Variants in FMN2 observed in about 807,000 individuals in gnomAD.
FMN2 encodes the protein formin 2.
Under a neutral mutation model 142.3 loss-of-function variants are expected in FMN2, and 51 were observed. That is an observed-to-expected ratio of 0.36 (90% confidence interval 0.29 to 0.45). The LOEUF (loss-of-function observed/expected upper bound fraction) is 0.45. Among genes scored for constraint, FMN2 ranks in the 20% least tolerant of loss-of-function variants. FMN2 has a pLI of 1.00. For missense variants in FMN2, 1,936 were observed against 2,122.8 expected (o/e 0.91, Z 1.73); for synonymous variants, 882 against 869.8 (o/e 1.01, Z -0.25).
intron 7 of FMN2, among the ~76,000 whole-genome samples, chr1:240,285,485 G>C (rs1669555616): frequency 6.6e-6 from 1 of 152,058 alleles, no homozygotes; most frequent in Non-Finnish European, 1.5e-5. Flanking sequence ...CCCACCGTGA[G>C]ACTGGGCGAG....
intron 7 of FMN2, among the ~76,000 whole-genome samples, chr1:240,288,366 T>C (rs1669660713): frequency 6.6e-6 from 1 of 152,172 alleles, no homozygotes; most frequent in Non-Finnish European, 1.5e-5. Flanking sequence ...TAGTGCACTT[T>C]TTCTTTCCAC....
chr1:240,264,022 T>G (rs768892844), intron 7 of FMN2, among the ~76,000 whole-genome samples: 1 of 152,212 alleles, frequency 6.6e-6, no homozygotes, highest in Admixed American at 6.5e-5. Flanking sequence ...GAAGTACAGT[T>G]GATACAGTCA....
At chr1:240,379,868 A>G (rs1273924685) in intron 14 of FMN2, among the ~76,000 whole-genome samples, 5 of 152,096 alleles carry the variant, frequency 3.3e-5, no homozygotes, top group African/African-American at 1.2e-4. Flanking sequence ...TTAACCAAGG[A>G]AAAAAAGTGG....
intron 16 of FMN2, among the ~76,000 whole-genome samples, chr1:240,445,589 TG>T (rs1675777584): frequency 6.6e-6 from 1 of 151,966 alleles, no homozygotes; most frequent in African/African-American, 2.4e-5. Flanking sequence ...CCAAGAAAGA[TG>T]GGGGCCATGC....
rs1676925037 is a variant in FMN2 at position 240,474,883 on chromosome 1, A to C, written c.*729A>C. The C allele has an allele frequency of 6.6e-6, 1 of 152,626 alleles. No individual in the cohort carries two copies. The highest frequency in any genetic ancestry group is 2.4e-5 in the African/African-American group (1 of 41,458). 9.5% of individuals were successfully genotyped at this position (152,626 alleles called of 1,614,324 possible). Reference sequence around the variant, plus strand: ...CTCTTGCAAACCAATTATGGAAAGCAACTTAAGAAAACCAATGTTCTAAAT... The same window carrying C: ...CTCTTGCAAACCAATTATGGAAAGCCACTTAAGAAAACCAATGTTCTAAAT... On this transcript the variant is annotated 3_prime_UTR_variant, in exon 18 of 18. Coordinates refer to ENST00000319653, the MANE Select transcript of FMN2 (RefSeq NM_020066.5).
intron 14 of FMN2, among the ~76,000 whole-genome samples, chr1:240,371,821 C>G (rs1197993548): frequency 6.6e-6 from 1 of 152,160 alleles, no homozygotes; most frequent in Non-Finnish European, 1.5e-5. Context: ...TAAGTCTCCT[C>G]TGAAGATAAG....
chr1:240,187,885 T>C lies in FMN2; in HGVS notation c.1931-322T>C, dbSNP rs149923057. Among the ~76,000 whole-genome samples the C allele has an allele frequency of 3.3e-3, 504 of 152,270 alleles. 3 individuals are homozygous for C. Among genetic ancestry groups the C allele is most frequent in the African/African-American group, 0.012 (483 of 41,552 alleles). On this transcript the variant is annotated intron_variant, in intron 3 of 17. Transcript: ENST00000319653. The stretch of plus-strand genomic sequence containing the variant: ...ATACAGACTTCAGCTAAGTGAATAA[T>C]ATAATCTGTGAAAGTCTTAGAAGGA...
At chr1:240,458,755 TA>T (rs1292797451) in intron 16 of FMN2, 3 of 152,248 alleles carry the variant, frequency 2.0e-5, no homozygotes, top group Admixed American at 2.0e-4. Context: ...GATGCAATTT[TA>T]TAATAGCTTC....
At chr1:240,128,807 T>G (rs929660428) in intron 2 of FMN2, among the ~76,000 whole-genome samples, 1 of 152,164 alleles carries the variant, frequency 6.6e-6, no homozygotes, top group African/African-American at 2.4e-5. Flanking sequence ...TATGCTCTAC[T>G]CATTGTTACC....
chr1:240,440,857 G>T (rs1675585933), intron 16 of FMN2, among the ~76,000 whole-genome samples: 1 of 152,098 alleles, frequency 6.6e-6, no homozygotes, highest in Non-Finnish European at 1.5e-5. Context: ...AGTGAAAAAT[G>T]AAAATGCACA....
intron 4 of FMN2, among the ~76,000 whole-genome samples, chr1:240,205,586 T>A (rs926403978): frequency 6.7e-6 from 1 of 150,068 alleles, no homozygotes; most frequent in Admixed American, 6.7e-5. Flanking sequence ...CTCAGCCTCC[T>A]GAGTAGCTGG....
Position 240,145,648 on chromosome 1 carries a change from C to T in FMN2, c.1782+22303C>T, listed in dbSNP as rs1466397844. The stretch of plus-strand genomic sequence containing the variant: ...CTTCAGACTGTCGAGTAGCGAGGAC[C>T]ACAGGCACGTACCACCACACTCTGC... On this transcript the variant is annotated intron_variant, in intron 2 of 17. Coordinates refer to ENST00000319653, the MANE Select transcript of FMN2 (RefSeq NM_020066.5). Among the ~76,000 whole-genome samples the T allele has an allele frequency of 2.7e-5, 4 of 147,308 alleles. No homozygotes were observed. The East Asian group carries it at 8.1e-4, about 30-fold the overall frequency.
At chr1:240,382,857 A>G (rs1673277634) in intron 14 of FMN2, among the ~76,000 whole-genome samples, 1 of 152,186 alleles carries the variant, frequency 6.6e-6, no homozygotes. Context: ...TGTAGCTTCA[A>G]ATTGTACCAC....
intron 7 of FMN2, among the ~76,000 whole-genome samples, chr1:240,280,759 A>G (rs1252771450): frequency 2.0e-5 from 3 of 152,152 alleles, no homozygotes; most frequent in Admixed American, 2.0e-4. Context: ...ATCTGGGAAT[A>G]TACCCGTCTT....
At chr1:240,148,395 AAGAC>A (rs759589958) in intron 2 of FMN2, among the ~76,000 whole-genome samples, 20 of 147,998 alleles carry the variant, frequency 1.4e-4, no homozygotes, top group Non-Finnish European at 1.9e-4. Context: ...GACAGAGAGA[AAGAC>A]AGAGAGACAG....
chr1:240,392,082 A>G (rs1310940486), intron 14 of FMN2, among the ~76,000 whole-genome samples: 1 of 151,610 alleles, frequency 6.6e-6, no homozygotes, highest in African/African-American at 2.4e-5. Context: ...TCTTAACATA[A>G]CTGAGAAATG....
chr1:240,219,102 C>G (rs1667012562), intron 6 of FMN2, among the ~76,000 whole-genome samples: 1 of 152,140 alleles, frequency 6.6e-6, no homozygotes, highest in Non-Finnish European at 1.5e-5. Flanking sequence ...ATTTAGCAGA[C>G]CTGGCTTGCG....
chr1:240,122,327 G>A (rs1235835520), intron 1 of FMN2, among the ~76,000 whole-genome samples: 1 of 151,950 alleles, frequency 6.6e-6, no homozygotes. Flanking sequence ...GCAGTGGTGC[G>A]ATCTCGGCTC....
chr1:240,285,901 C>CT (rs542821016), intron 7 of FMN2, among the ~76,000 whole-genome samples: 1,560 of 151,388 alleles, frequency 0.01, 22 homozygotes, highest in African/African-American at 0.034. Context: ...TTTTTTTTTC[C>CT]TTTTTTTCCC....
Sources: allele counts gnomAD v4.1 joint callset (sites outside exome capture counted in the v4.1 genomes callset), GRCh38; gene constraint gnomAD v4.1.1; transcripts MANE v1.5; gene names NCBI Gene and HGNC (gene_info 2026-07-23, HGNC 2026-07-21).